The following CDH18 variants were observed in gnomAD, a reference collection of about 807,000 sequenced individuals.
CDH18 encodes the protein cadherin 18.
Under a neutral mutation model 67.9 loss-of-function variants are expected in CDH18, and 31 were observed. The observed-to-expected ratio is 0.46, with a 90% CI of 0.34 to 0.62. The LOEUF (loss-of-function observed/expected upper bound fraction) is 0.62. CDH18 is among the 20% of genes least tolerant of loss of function. CDH18 has a pLI of 0.01. For synonymous variants in CDH18, 362 were observed against 347.2 expected, an observed-to-expected ratio of 1.04 and a Z score of -0.48; for missense variants, 890 against 975.5, an observed-to-expected ratio of 0.91 and a Z score of 1.17.
chr5:20,540,174 A>G (rs1756973831), intron 1 of CDH18, among the ~76,000 whole-genome samples: 1 of 152,204 alleles, frequency 6.6e-6, no homozygotes, highest in African/African-American at 2.4e-5. Context: ...CCAAGAAAGT[A>G]GAGAGACTTG....
At chr5:20,307,838 A>G (rs1384602126) in intron 1 of CDH18, among the ~76,000 whole-genome samples, 4 of 152,190 alleles carry the variant, frequency 2.6e-5, no homozygotes, top group Admixed American at 6.5e-5. Context: ...CTCAGCTGAC[A>G]CAGGGTCTAA....
intron 1 of CDH18, among the ~76,000 whole-genome samples, chr5:20,553,107 T>C (rs1056103980): frequency 1.3e-5 from 2 of 152,240 alleles, no homozygotes; most frequent in African/African-American, 4.8e-5. Flanking sequence ...TAAAAATAAA[T>C]TTTAATTGTT....
At chr5:20,499,353 G>A (rs180884025) in intron 1 of CDH18, among the ~76,000 whole-genome samples, 51 of 152,026 alleles carry the variant, frequency 3.4e-4, no homozygotes, top group African/African-American at 1.2e-3. Flanking sequence ...ACTGTTTTGT[G>A]TTTTATATGT....
At chr5:20,422,069 A>C (rs963052251) in intron 1 of CDH18, among the ~76,000 whole-genome samples, 2 of 151,114 alleles carry the variant, frequency 1.3e-5, no homozygotes, top group Non-Finnish European at 2.9e-5. Context: ...CCTGTAATTC[A>C]TATTCTAACT....
chr5:19,759,892 A>T (rs1415835707), intron 3 of CDH18, among the ~76,000 whole-genome samples: 1 of 152,148 alleles, frequency 6.6e-6, no homozygotes, highest in East Asian at 1.9e-4. Context: ...CAAGTCTGGA[A>T]ATGAATTGAG....
At chr5:20,467,668 A>G (rs1370768236) in intron 1 of CDH18, among the ~76,000 whole-genome samples, 2 of 152,208 alleles carry the variant, frequency 1.3e-5, no homozygotes, top group African/African-American at 2.4e-5. Context: ...ACACATATTT[A>G]TTGAATGAAT....
At chr5:19,698,957 C>G (rs888256162) in intron 5 of CDH18, among the ~76,000 whole-genome samples, 16 of 152,164 alleles carry the variant, frequency 1.1e-4, no homozygotes, top group Admixed American at 2.0e-4. Flanking sequence ...TTTCTCTTCC[C>G]TACAGGTTCC....
At chr5:20,559,801 C>T (rs1158122720) in intron 1 of CDH18, among the ~76,000 whole-genome samples, 3 of 151,942 alleles carry the variant, frequency 2.0e-5, no homozygotes, top group African/African-American at 7.2e-5. Flanking sequence ...TGATGTCTAC[C>T]CACTAACATC....
chr5:19,979,773 A>G (rs1798852628), intron 2 of CDH18, among the ~76,000 whole-genome samples: 1 of 152,192 alleles, frequency 6.6e-6, no homozygotes, highest in South Asian at 2.1e-4. Context: ...TATGGCATCA[A>G]GAATGTTCCA....
intron 4 of CDH18, among the ~76,000 whole-genome samples, chr5:19,725,395 T>G (rs1188779347): frequency 1.3e-5 from 2 of 152,238 alleles, no homozygotes; most frequent in Non-Finnish European, 2.9e-5. Context: ...CAAAGTCTGT[T>G]GTTAGGTACC....
chr5:19,539,139 C>T (rs1288435935), intron 9 of CDH18, among the ~76,000 whole-genome samples: 1 of 152,172 alleles, frequency 6.6e-6, no homozygotes, highest in African/African-American at 2.4e-5. Flanking sequence ...AAAATCTTTA[C>T]TAGTGCTCTT....
intron 1 of CDH18, among the ~76,000 whole-genome samples, chr5:20,559,165 G>T (rs1239135316): frequency 6.6e-6 from 1 of 151,674 alleles, no homozygotes; most frequent in Non-Finnish European, 1.5e-5. Flanking sequence ...AAAAAATTAA[G>T]ATTTTCATGA....
At position 19,471,457 on chromosome 5, in the gene CDH18, AACAG is replaced by A. The variant is rs1213145014; in HGVS notation, c.*1765_*1768del. ...ATCCAAAATTTTGCACATGGGTAGAAACAGACAGAAAATGTCATATAACTTTTGG... is the reference window on the plus strand; with the variant it reads ...ATCCAAAATTTTGCACATGGGTAGAAACAGAAAATGTCATATAACTTTTGG... On this transcript the variant is annotated 3_prime_UTR_variant, in exon 13 of 13. Transcript: ENST00000382275. Among the ~76,000 whole-genome samples, 2 of 152,150 alleles carry A rather than the reference AACAG, an allele frequency of 1.3e-5. No homozygotes were observed. The highest frequency in any genetic ancestry group is 2.9e-5 in the Non-Finnish European group (2 of 68,012).
At chr5:20,489,327 A>G (rs1192684076) in intron 1 of CDH18, among the ~76,000 whole-genome samples, 2 of 152,076 alleles carry the variant, frequency 1.3e-5, no homozygotes, top group Non-Finnish European at 2.9e-5. Flanking sequence ...TGTATTTTTA[A>G]GCTGATAAAA....
At chr5:19,879,375 G>A (rs1911853) in intron 2 of CDH18, among the ~76,000 whole-genome samples, 45,564 of 151,568 alleles carry the variant, frequency 0.3, 7,990 homozygotes, top group South Asian at 0.4. Context: ...ATTAAATACT[G>A]ACTTTACAAC....
chr5:20,520,478 A>C (rs1170644353), intron 1 of CDH18, among the ~76,000 whole-genome samples: 2 of 152,126 alleles, frequency 1.3e-5, no homozygotes, highest in African/African-American at 2.4e-5. Flanking sequence ...CTCCCACCTG[A>C]GAGGAATCAG....
intron 1 of CDH18, among the ~76,000 whole-genome samples, chr5:20,493,439 TAAAC>T (rs1049672157): frequency 1.5e-5 from 2 of 130,898 alleles, no homozygotes; most frequent in Non-Finnish European, 3.2e-5. Flanking sequence ...TTTGTGGAAA[TAAAC>T]AAAGGCCACT....
chr5:19,765,107 G>A (rs1229350259), intron 3 of CDH18, among the ~76,000 whole-genome samples: 2 of 152,090 alleles, frequency 1.3e-5, no homozygotes, highest in Non-Finnish European at 1.5e-5. Flanking sequence ...CATAGTTCTG[G>A]CCTTTATCAA....
Position 20,415,581 on chromosome 5 carries a change from G to T in CDH18, c.-580+159881C>A, listed in dbSNP as rs192363949. Among the ~76,000 whole-genome samples, 3 of 151,632 alleles carry T rather than the reference G, an allele frequency of 2.0e-5. No individual in the cohort carries two copies. The East Asian group carries it at 5.9e-4, about 30-fold the overall frequency. ...GAGGTCAGGAGATTGAGACCAACCT[G>T]GCTAACATGGTGAAACTCCACCTCT... On this transcript the variant is annotated intron_variant, in intron 1 of 14. Coordinates refer to the CDH18 transcript ENST00000507958.
Sources: gnomAD v4.1 joint callset for allele counts (sites outside exome capture counted in the v4.1 genomes callset) on GRCh38, gnomAD v4.1.1 for gene constraint, MANE v1.5 for transcripts, NCBI Gene and HGNC (gene_info 2026-07-23, HGNC 2026-07-21) for gene names.